The following ITFG1 variants were observed in gnomAD, a reference collection of about 807,000 sequenced individuals.
The protein encoded by ITFG1 is T-cell immunomodulatory protein.
In ITFG1, 34 loss-of-function variants were observed where a neutral mutation model predicts 81.8. The observed-to-expected ratio is 0.42, with a 90% CI of 0.32 to 0.55. ITFG1 has a LOEUF of 0.55. Ranked by LOEUF, ITFG1 falls within the 20% of genes least tolerant of loss-of-function variation. ITFG1 has a pLI of 0.17. For synonymous variants in ITFG1, 285 were observed against 270.6 expected, an observed-to-expected ratio of 1.05 and a Z score of -0.52; for missense variants, 672 against 755.4, an observed-to-expected ratio of 0.89 and a Z score of 1.29.
At chr16:47,218,811 G>T in intron 14 of ITFG1, 57 bp downstream of exon 14, 1 of 1,030,478 alleles carries the variant, frequency 9.7e-7, no homozygotes. Flanking sequence ...AGTTTACCTT[G>T]CTAATATATT....
intron 10 of ITFG1, among the ~76,000 whole-genome samples, chr16:47,285,928 C>T (rs2151552301): frequency 6.6e-6 from 1 of 152,282 alleles, no homozygotes; most frequent in East Asian, 1.9e-4. Flanking sequence ...CACACTTACC[C>T]ACTGCTAAAT....
At chr16:47,228,611 T>C (rs1965783357) in intron 13 of ITFG1, among the ~76,000 whole-genome samples, 1 of 152,212 alleles carries the variant, frequency 6.6e-6, no homozygotes, top group Non-Finnish European at 1.5e-5. Context: ...GCTCAGGCAG[T>C]CTTCTGCCTC....
chr16:47,160,641 G>A (rs1305853919), intron 16 of ITFG1, among the ~76,000 whole-genome samples: 1 of 151,912 alleles, frequency 6.6e-6, no homozygotes, highest in African/African-American at 2.4e-5. Context: ...CTTATTCCAA[G>A]CATAAGGCTG....
intron 6 of ITFG1, among the ~76,000 whole-genome samples, chr16:47,377,979 G>A (rs957553170): frequency 6.6e-6 from 1 of 152,222 alleles, no homozygotes; most frequent in African/African-American, 2.4e-5. Context: ...CTTGGGGAAA[G>A]AAGGGTCTAC....
At chr16:47,339,719 G>A (rs980547417) in intron 8 of ITFG1, among the ~76,000 whole-genome samples, 19 of 151,794 alleles carry the variant, frequency 1.3e-4, no homozygotes, top group African/African-American at 4.4e-4. Flanking sequence ...AAGCACAAGG[G>A]ACCCAAGGGA....
chr16:47,237,336 A>T (rs751042017), intron 13 of ITFG1, among the ~76,000 whole-genome samples: 5 of 151,668 alleles, frequency 3.3e-5, no homozygotes, highest in Non-Finnish European at 1.5e-5. Flanking sequence ...TCTGAGTCTC[A>T]GTTTCCTTGT....
At chr16:47,385,257 T>C (rs115446691) in intron 6 of ITFG1, among the ~76,000 whole-genome samples, 3,096 of 152,248 alleles carry the variant, frequency 0.02, 106 homozygotes, top group African/African-American at 0.07. Context: ...ATTAAAATAA[T>C]GAGGCACACT....
chr16:47,198,712 T>G (rs1213039025), intron 14 of ITFG1, among the ~76,000 whole-genome samples: 1 of 152,064 alleles, frequency 6.6e-6, no homozygotes, highest in East Asian at 1.9e-4. Context: ...GAACAAGATG[T>G]GGAGGTGGAA....
chr16:47,453,142 T>G (rs138114623), intron 3 of ITFG1, among the ~76,000 whole-genome samples: 18 of 152,336 alleles, frequency 1.2e-4, no homozygotes, highest in African/African-American at 3.4e-4. Flanking sequence ...CAAAACTTCC[T>G]GGTTCTAAAA....
chr16:47,375,173 AC>A (rs1749360966), intron 7 of ITFG1, among the ~76,000 whole-genome samples: 1 of 152,150 alleles, frequency 6.6e-6, no homozygotes, highest in Non-Finnish European at 1.5e-5. Context: ...AGAGGCTCTT[AC>A]GCCCATTTTC....
chr16:47,321,424 T>C (rs550236263), intron 8 of ITFG1, among the ~76,000 whole-genome samples: 3 of 152,322 alleles, frequency 2.0e-5, no homozygotes, highest in Admixed American at 2.0e-4. Flanking sequence ...AAGCTAGAAA[T>C]ACAGGCTGAA....
chr16:47,173,726 T>C (rs1964988346), intron 14 of ITFG1, among the ~76,000 whole-genome samples: 1 of 152,226 alleles, frequency 6.6e-6, no homozygotes, highest in Non-Finnish European at 1.5e-5. Flanking sequence ...TTCAAGTACA[T>C]GTTATTTATG....
intron 5 of ITFG1, among the ~76,000 whole-genome samples, chr16:47,437,787 G>A (rs1304032786): frequency 2.0e-5 from 3 of 152,254 alleles, no homozygotes; most frequent in Non-Finnish European, 4.4e-5. Flanking sequence ...GAAGACGGGT[G>A]ATTTCTGCAT....
At chr16:47,421,183 T>A (rs927671679) in intron 6 of ITFG1, among the ~76,000 whole-genome samples, 1 of 151,648 alleles carries the variant, frequency 6.6e-6, no homozygotes, top group Non-Finnish European at 1.5e-5. Context: ...GTTAGGTAGG[T>A]CATTTAAAAG....
chr16:47,238,257 A>G (rs1965897467), intron 12 of ITFG1: 1 of 289,386 alleles, frequency 3.5e-6, no homozygotes, highest in Non-Finnish European at 6.5e-6. Context: ...AATTATGATT[A>G]TATCATACCA....
rs1164634048 is a variant in ITFG1, at chr16:47,413,803, T to C, written c.655+15001A>G. Among the ~76,000 whole-genome samples, 3 of 151,938 alleles carry C rather than the reference T, an allele frequency of 2.0e-5. No individual in the cohort carries two copies. The East Asian group carries it at 5.8e-4, about 29-fold the overall frequency. On this transcript the variant is annotated intron_variant, in intron 6 of 17. Transcript: ENST00000320640. ...ATAAAACCGTAAGGTGCAGGGACTG[T>C]CTAATACTCCTAGGATTGCACAAGA...
chr16:47,174,842 A>G (rs773275224), intron 14 of ITFG1, among the ~76,000 whole-genome samples: 9 of 152,218 alleles, frequency 5.9e-5, no homozygotes, highest in Non-Finnish European at 1.0e-4. Flanking sequence ...TTTAAACCAC[A>G]AGGAATTTTC....
chr16:47,342,466 C>T (rs1250488639), intron 8 of ITFG1, among the ~76,000 whole-genome samples: 4 of 152,048 alleles, frequency 2.6e-5, no homozygotes, highest in Admixed American at 2.6e-4. Flanking sequence ...CCACTTTAAG[C>T]ACTGCTATTC....
chr16:47,239,885 G>A (rs115787309), intron 12 of ITFG1, among the ~76,000 whole-genome samples: 3,062 of 152,210 alleles, frequency 0.02, 102 homozygotes, highest in African/African-American at 0.07. Context: ...AGTTACTGAT[G>A]CACACATATG....
Sources: allele counts gnomAD v4.1 joint callset (sites outside exome capture counted in the v4.1 genomes callset), GRCh38; gene constraint gnomAD v4.1.1; transcripts MANE v1.5; gene names NCBI Gene and HGNC (gene_info 2026-07-23, HGNC 2026-07-21).